Variants in UBXN7 observed in about 807,000 individuals in gnomAD.
The protein encoded by UBXN7 is UBX domain-containing protein 7.
UBXN7 carries 9 observed loss-of-function variants against 58.0 expected under a neutral mutation model. The ratio of observed to expected loss-of-function variants is 0.16; its 90% confidence interval spans 0.09 to 0.27. The LOEUF is 0.27. Among genes scored for constraint, UBXN7 ranks in the 10% least tolerant of loss-of-function variants. UBXN7 has a pLI of 1.00. For synonymous variants in UBXN7, 208 were observed against 205.0 expected, an observed-to-expected ratio of 1.01 and a Z score of -0.12; for missense variants, 328 against 599.6, an observed-to-expected ratio of 0.55 and a Z score of 4.73.
intron 5 of UBXN7, among the ~76,000 whole-genome samples, chr3:196,383,290 A>G (rs1427740481): frequency 6.6e-6 from 1 of 151,762 alleles, no homozygotes; most frequent in Non-Finnish European, 1.5e-5. Flanking sequence ...TCCAAATTCA[A>G]AAAGCAAGTC....
chr3:196,370,107 C>T (rs1005217306), intron 6 of UBXN7, among the ~76,000 whole-genome samples: 12 of 135,344 alleles, frequency 8.9e-5, no homozygotes, highest in African/African-American at 2.5e-4. Context: ...TCCTGCCCAG[C>T]GACAATGCAA....
rs116013265 is a variant in UBXN7 at position 196,375,886 on chromosome 3, G to A, written c.469-3844C>T. 7.9e-3 allele frequency among the ~76,000 whole-genome samples: 1,198 copies of A among 152,240 alleles called. 14 individuals are homozygous for A. Among genetic ancestry groups the A allele is most frequent in the African/African-American group, 0.027 (1,114 of 41,528 alleles). ...TCTACTAACGATACTAAAATTAGACGAGCGTGGTGGCGCATGCCTGTAATC... is the reference window on the plus strand; with the variant it reads ...TCTACTAACGATACTAAAATTAGACAAGCGTGGTGGCGCATGCCTGTAATC... On this transcript the variant is annotated intron_variant, in intron 5 of 10. Coordinates refer to ENST00000296328, the MANE Select transcript of UBXN7 (RefSeq NM_015562.2).
intron 1 of UBXN7, among the ~76,000 whole-genome samples, chr3:196,416,509 C>T (rs1366817538): frequency 1.3e-5 from 2 of 151,984 alleles, no homozygotes; most frequent in African/African-American, 4.8e-5. Flanking sequence ...CCCTTTCTAC[C>T]ACCCTTCATC....
intron 1 of UBXN7, among the ~76,000 whole-genome samples, chr3:196,409,561 G>A (rs1730260710): frequency 6.6e-6 from 1 of 152,022 alleles, no homozygotes; most frequent in Admixed American, 6.6e-5. Flanking sequence ...ACTTTGCAAG[G>A]CACCCACAGG....
intron 2 of UBXN7, among the ~76,000 whole-genome samples, chr3:196,404,100 GA>G (rs35971859): frequency 7.5e-4 from 109 of 145,292 alleles, no homozygotes; most frequent in Non-Finnish European, 9.4e-4. Context: ...AAAAGAAAAA[GA>G]AAAAAAAAAA....
chr3:196,429,995 T>C (rs1730974585), intron 1 of UBXN7, among the ~76,000 whole-genome samples: 1 of 152,148 alleles, frequency 6.6e-6, no homozygotes, highest in Non-Finnish European at 1.5e-5. Flanking sequence ...GAAGAAGTAA[T>C]GTGGCGTTAA....
intron 5 of UBXN7, among the ~76,000 whole-genome samples, chr3:196,372,951 A>G (rs1197770515): frequency 6.6e-6 from 1 of 152,056 alleles, no homozygotes; most frequent in Middle Eastern, 3.2e-3. Flanking sequence ...GGGTTTCACC[A>G]TGTTGGCCAG....
chr3:196,415,856 T>G (rs1306878193), intron 1 of UBXN7, among the ~76,000 whole-genome samples: 1 of 152,136 alleles, frequency 6.6e-6, no homozygotes, highest in Non-Finnish European at 1.5e-5. Flanking sequence ...AAAGGTTTCT[T>G]ACAGGAAGAC....
chr3:196,420,645 A>G (rs1215285945), intron 1 of UBXN7, among the ~76,000 whole-genome samples: 7 of 152,114 alleles, frequency 4.6e-5, no homozygotes, highest in African/African-American at 1.4e-4. Flanking sequence ...CCATGACAGG[A>G]GTCCTACTTT....
chr3:196,411,198 G>T (rs1217230686), intron 1 of UBXN7, among the ~76,000 whole-genome samples: 1 of 152,124 alleles, frequency 6.6e-6, no homozygotes, highest in Non-Finnish European at 1.5e-5. Flanking sequence ...TTGAACAGAG[G>T]AACTGGTTTT....
intron 10 of UBXN7, among the ~76,000 whole-genome samples, chr3:196,359,980 G>C (rs976078959): frequency 2.0e-5 from 3 of 151,936 alleles, no homozygotes; most frequent in Non-Finnish European, 4.4e-5. Flanking sequence ...TTAGTGGTCT[G>C]TACAGAAAAA....
intron 5 of UBXN7, among the ~76,000 whole-genome samples, chr3:196,374,036 C>T (rs1728918857): frequency 6.6e-6 from 1 of 152,052 alleles, no homozygotes; most frequent in African/African-American, 2.4e-5. Context: ...CATTTACTTC[C>T]TTATAGGACA....
chr3:196,361,871 G>A lies in UBXN7; in HGVS notation c.1281C>T (p.Ile427=), dbSNP rs1333995509. Residue 427 remains isoleucine, a synonymous_variant, in exon 10 of 11, where the codon ATC becomes ATT. Coordinates refer to ENST00000296328, the MANE Select transcript of UBXN7 (RefSeq NM_015562.2). ...LRYPDGKREQ[I]TLPEQAKLLA... ...GCAGTTTAGCTTGCTCTGGAAGAGTGATCTGTTCCCTTTTTCCATCTGGAT... is the reference window on the plus strand; with the variant it reads ...GCAGTTTAGCTTGCTCTGGAAGAGTAATCTGTTCCCTTTTTCCATCTGGAT... 3.1e-6 allele frequency: 5 copies of A among 1,612,548 alleles called. No homozygotes were observed. Among genetic ancestry groups the A allele is most frequent in the Non-Finnish European group, 8.5e-7 (1 of 1,179,724 alleles).
At chr3:196,418,496 A>AT (rs1484202952) in intron 1 of UBXN7, among the ~76,000 whole-genome samples, 1 of 152,126 alleles carries the variant, frequency 6.6e-6, no homozygotes, top group Non-Finnish European at 1.5e-5. Flanking sequence ...TTGAACACTC[A>AT]TTTTTTTAAA....
chr3:196,371,777 C>T lies in UBXN7; in HGVS notation c.615+119G>A. 3.8e-6 allele frequency: 5 copies of T among 1,319,900 alleles called. No homozygotes were observed. In the South Asian group the frequency reaches 4.5e-5, roughly 12 times the overall value. The allele number at this position is 1,319,900 out of a possible 1,614,324, so 81.8% of individuals were successfully genotyped here. On this transcript the variant is annotated intron_variant, in intron 6 of 10. Transcript: ENST00000296328. ...GGATTATAGGCGTGAGCTACTGCCC[C>T]CAGCCGGCTTTACCTTTTTTTAAAT... is the stretch of plus-strand genomic sequence containing the variant.
At chr3:196,380,207 G>T (rs563612147) in intron 5 of UBXN7, among the ~76,000 whole-genome samples, 2 of 150,050 alleles carry the variant, frequency 1.3e-5, no homozygotes, top group Non-Finnish European at 3.0e-5. Context: ...GCAAGATAGC[G>T]CCACTGCAGT....
At chr3:196,403,560 T>C (rs933832090) in intron 2 of UBXN7, among the ~76,000 whole-genome samples, 1 of 152,154 alleles carries the variant, frequency 6.6e-6, no homozygotes, top group Admixed American at 6.6e-5. Context: ...CAATTTCCCC[T>C]TCCCTCTCAA....
rs758386381 is a variant in UBXN7, at chr3:196,356,545, T to C, written c.*140A>G. 1.7e-5 allele frequency: 15 copies of C among 871,656 alleles called. No individual in the cohort carries two copies. Among genetic ancestry groups the C allele is most frequent in the Admixed American group, 3.1e-5 (1 of 32,648 alleles). 54.0% of individuals were successfully genotyped at this position (871,656 alleles called of 1,614,324 possible). A position where few individuals can be genotyped will look rare whatever the true frequency, so the allele number is the denominator to read the frequency against. ...AGAAAGAGACTGATTATAGGAGAGA[T>C]CAAGAAATAAGAGAAGGAAGGTGAC... On this transcript the variant is annotated 3_prime_UTR_variant, in exon 11 of 11. Transcript: ENST00000296328.
intron 2 of UBXN7, 45 bp from the exon 3 acceptor site, chr3:196,403,064 GCTAC>G: frequency 1.9e-6 from 3 of 1,539,578 alleles, no homozygotes; most frequent in Non-Finnish European, 1.8e-6. Context: ...ACTGTTTTCT[GCTAC>G]CTGTTTGCTT....
Sources: allele counts gnomAD v4.1 joint callset (sites outside exome capture counted in the v4.1 genomes callset), GRCh38; gene constraint gnomAD v4.1.1; transcripts MANE v1.5; gene names NCBI Gene and HGNC (gene_info 2026-07-23, HGNC 2026-07-21).